The following MYO1E variants were observed in gnomAD, a reference collection of about 807,000 sequenced individuals.
MYO1E encodes the protein unconventional myosin-Ie.
A neutral mutation model predicts 151.1 loss-of-function variants in MYO1E; 68 were observed. The observed-to-expected ratio is 0.45, with a 90% CI of 0.37 to 0.55. MYO1E has a LOEUF of 0.55. Among genes scored for constraint, MYO1E ranks in the 20% least tolerant of loss-of-function variants. The pLI, the probability that MYO1E is intolerant of heterozygous loss-of-function variation, is 0.00. For missense variants in MYO1E, 1,363 were observed against 1,389.3 expected, an observed-to-expected ratio of 0.98 and a Z score of 0.30; for synonymous variants, 601 against 501.7, an observed-to-expected ratio of 1.20 and a Z score of -2.64.
chr15:59,271,741 C>T (rs1020337557), intron 2 of MYO1E, among the ~76,000 whole-genome samples: 1 of 152,228 alleles, frequency 6.6e-6, no homozygotes, highest in Non-Finnish European at 1.5e-5. Context: ...TGCAGAAAAA[C>T]TGGCAACATT....
In MYO1E at chr15:59,276,397, G is replaced by A. The variant is rs144070730; in HGVS notation, c.4-3948C>T. Among the ~76,000 whole-genome samples, 56 of 152,294 alleles carry A rather than the reference G, an allele frequency of 3.7e-4. No homozygotes were observed. In the Middle Eastern group the frequency reaches 0.01, roughly 28 times the overall value. ...CATTTTACAGCAGCTCCTGGTGAGC[G>A]CAGCACACTGTACAAAGGGAGGAGG... is the stretch of plus-strand genomic sequence containing the variant. On this transcript the variant is annotated intron_variant, in intron 1 of 27. Coordinates refer to ENST00000288235, the MANE Select transcript of MYO1E (RefSeq NM_004998.4).
At chr15:59,178,590 T>G in intron 18 of MYO1E, 53 bp from the exon 19 acceptor site, 5 of 1,598,214 alleles carry the variant, frequency 3.1e-6, no homozygotes, top group Non-Finnish European at 4.3e-6. Context: ...CCGCACTGGT[T>G]TTCTACCCGG....
intron 1 of MYO1E, among the ~76,000 whole-genome samples, chr15:59,295,902 T>C (rs1343289984): frequency 6.6e-6 from 1 of 152,146 alleles, no homozygotes; most frequent in Non-Finnish European, 1.5e-5. Context: ...TGCGGGGTTA[T>C]TATTAAGCTG....
Position 59,171,950 on chromosome 15 carries a change from T to C in MYO1E, c.2427A>G (p.Lys809=), listed in dbSNP as rs748120708. ...VKQGPDKGLV[K]EVLKRKIEIE... The stretch of plus-strand genomic sequence containing the variant: ...TCTCGATTTTCCGCTTCAGGACTTC[T>C]TTCACCAGGCCCTTGTCTGGGCCCT... Residue 809 remains lysine (K), a synonymous_variant, in exon 22 of 28, where the codon AAA becomes AAG. Coordinates refer to ENST00000288235, the MANE Select transcript of MYO1E (RefSeq NM_004998.4). 1 of 1,614,232 alleles carries C rather than the reference T, an allele frequency of 6.2e-7. No individual in the cohort carries two copies. Among genetic ancestry groups the C allele is most frequent in the East Asian group, 2.2e-5 (1 of 44,882 alleles).
chr15:59,234,422 C>T (rs748438011), intron 5 of MYO1E, among the ~76,000 whole-genome samples: 6 of 152,026 alleles, frequency 3.9e-5, no homozygotes, highest in South Asian at 2.1e-4. Flanking sequence ...ACGTCTGGCC[C>T]GCAAACAAAA....
intron 16 of MYO1E, among the ~76,000 whole-genome samples, chr15:59,201,707 A>C (rs1295628736): frequency 6.6e-6 from 1 of 152,166 alleles, no homozygotes; most frequent in East Asian, 1.9e-4. Flanking sequence ...CCCAGCCCAC[A>C]AACTCTTAAT....
At chr15:59,312,555 A>G (rs1297754302) in intron 1 of MYO1E, among the ~76,000 whole-genome samples, 1 of 152,218 alleles carries the variant, frequency 6.6e-6, no homozygotes, top group African/African-American at 2.4e-5. Context: ...CCTGGCTGTT[A>G]CAATGGCATC....
chr15:59,148,547 T>A (rs2079455730), intron 26 of MYO1E, among the ~76,000 whole-genome samples: 1 of 152,192 alleles, frequency 6.6e-6, no homozygotes, highest in Non-Finnish European at 1.5e-5. Flanking sequence ...TCTATAAACA[T>A]TACTGGAAAT....
intron 19 of MYO1E, 39 bp downstream of exon 19, chr15:59,178,354 G>T (rs755420051): frequency 1.2e-6 from 2 of 1,611,436 alleles, no homozygotes; most frequent in Non-Finnish European, 1.7e-6. Context: ...CGGGGGCCCC[G>T]CGGGAGGGAA....
rs115555961 is a variant in MYO1E, at chr15:59,231,612, G to C, written c.510+90C>G. Reference sequence around the variant, plus strand: ...GTGGCCTCCTGATGATATGTGAAAGGCTCCCATTTCCTGTGGGATACTAGA... The same window carrying C: ...GTGGCCTCCTGATGATATGTGAAAGCCTCCCATTTCCTGTGGGATACTAGA... On this transcript the variant is annotated intron_variant, in intron 6 of 27. Transcript: ENST00000288235. 1.6e-4 allele frequency: 215 copies of C among 1,327,330 alleles called. 2 individuals are homozygous for C. The African/African-American group carries it at 2.9e-3, about 18-fold the overall frequency. The allele number at this position is 1,327,330 out of a possible 1,614,324, so 82.2% of individuals were successfully genotyped here.
intron 4 of MYO1E, among the ~76,000 whole-genome samples, chr15:59,254,587 A>T (rs1350699131): frequency 6.6e-6 from 1 of 152,234 alleles, no homozygotes; most frequent in Non-Finnish European, 1.5e-5. Flanking sequence ...ATATACTGAC[A>T]ACAGTGCAAA....
chr15:59,186,682 T>C (rs899066463), intron 18 of MYO1E, among the ~76,000 whole-genome samples: 37 of 152,084 alleles, frequency 2.4e-4, no homozygotes, highest in Admixed American at 6.6e-5. Flanking sequence ...AGCCCAGGAG[T>C]TCAAAGATGC....
intron 13 of MYO1E, among the ~76,000 whole-genome samples, chr15:59,209,506 T>A (rs1369775964): frequency 6.6e-6 from 1 of 151,798 alleles, no homozygotes; most frequent in Non-Finnish European, 1.5e-5. Context: ...TGAAACCCCC[T>A]CTCTACTAAA....
At chr15:59,183,230 G>A (rs1053580954) in intron 18 of MYO1E, among the ~76,000 whole-genome samples, 2 of 152,170 alleles carry the variant, frequency 1.3e-5, no homozygotes, top group African/African-American at 4.8e-5. Flanking sequence ...GTTTATGGAA[G>A]TCAGTTTGGT....
At chr15:59,144,747 C>A (rs1325801114) in intron 26 of MYO1E, among the ~76,000 whole-genome samples, 1 of 152,210 alleles carries the variant, frequency 6.6e-6, no homozygotes, top group African/African-American at 2.4e-5. Context: ...TTGGTGGGAA[C>A]AGCCATTTTC....
intron 3 of MYO1E, among the ~76,000 whole-genome samples, chr15:59,259,414 G>A (rs1432895673): frequency 6.6e-6 from 1 of 152,126 alleles, no homozygotes; most frequent in Non-Finnish European, 1.5e-5. Flanking sequence ...CATGAGATCA[G>A]TCCAAAACAA....
At chr15:59,283,898 C>T (rs1210387726) in intron 1 of MYO1E, among the ~76,000 whole-genome samples, 1 of 152,218 alleles carries the variant, frequency 6.6e-6, no homozygotes, top group Non-Finnish European at 1.5e-5. Context: ...CTATGTGTCA[C>T]GTATCAACTT....
At chr15:59,292,632 G>A (rs1025759822) in intron 1 of MYO1E, among the ~76,000 whole-genome samples, 1 of 152,158 alleles carries the variant, frequency 6.6e-6, no homozygotes, top group Non-Finnish European at 1.5e-5. Context: ...CCATTGTAAG[G>A]GCTATGCTTT....
Position 59,298,498 on chromosome 15 carries a change from C to T in MYO1E, c.4-26049G>A, listed in dbSNP as rs372222761. ...GTGATTCTTAATGGCCCAGACAGCACTGTGGGAAGAGGCATAGAAGGAAAT... is the reference window on the plus strand; with the variant it reads ...GTGATTCTTAATGGCCCAGACAGCATTGTGGGAAGAGGCATAGAAGGAAAT... On this transcript the variant is annotated intron_variant, in intron 1 of 27. Coordinates refer to ENST00000288235, the MANE Select transcript of MYO1E (RefSeq NM_004998.4). Among the ~76,000 whole-genome samples, 28 of 152,270 alleles carry T rather than the reference C, an allele frequency of 1.8e-4. 3 individuals are homozygous for T. In the South Asian group the frequency reaches 3.9e-3, roughly 21 times the overall value.
Sources: allele counts gnomAD v4.1 joint callset (sites outside exome capture counted in the v4.1 genomes callset), GRCh38; gene constraint gnomAD v4.1.1; transcripts MANE v1.5; gene names NCBI Gene and HGNC (gene_info 2026-07-23, HGNC 2026-07-21).